The following CCDC136 variants were observed in gnomAD, a reference collection of about 807,000 sequenced individuals.
The protein encoded by CCDC136 is coiled-coil domain containing 136.
Under a neutral mutation model 141.2 loss-of-function variants are expected in CCDC136, and 100 were observed. That is an observed-to-expected ratio of 0.71 (90% CI 0.60 to 0.84). The LOEUF is 0.84. Ranked by LOEUF, CCDC136 falls within the 40% of genes least tolerant of loss-of-function variation. The pLI is 0.00. For missense variants in CCDC136, 1,206 were observed against 1,379.4 expected, an observed-to-expected ratio of 0.87 and a Z score of 1.99; for synonymous variants, 474 against 531.9, an observed-to-expected ratio of 0.89 and a Z score of 1.50.
chr7:128,812,671 C>A, intron 13 of CCDC136, 37 bp from the exon 14 acceptor site: 1 of 1,523,170 alleles, frequency 6.6e-7, no homozygotes, highest in South Asian at 1.2e-5. Context: ...CTTAGGTGCT[C>A]CTCAGGGTGC....
intron 7 of CCDC136, 127 bp from the exon 8 acceptor site, chr7:128,806,110 G>T: frequency 9.8e-7 from 1 of 1,024,798 alleles, no homozygotes. Flanking sequence ...TCTCACAGAA[G>T]AAACCAAACC....
chr7:128,808,782 C>T lies in CCDC136; in HGVS notation c.1606-668C>T, dbSNP rs78527873. On this transcript the variant is annotated intron_variant, in intron 10 of 17. Transcript: ENST00000297788. ...GAGCCCAGGTGATCTGTGACTTGCT[C>T]GTCACCTCTTCCCCTAATGGGAAAA... The T allele has an allele frequency of 4.3e-4, 426 of 985,302 alleles. 1 individual carries two copies. In the Admixed American group the frequency reaches 5.0e-3, roughly 12 times the overall value. 61.0% of individuals were successfully genotyped at this position (985,302 alleles called of 1,614,324 possible). A position where few individuals can be genotyped will look rare whatever the true frequency, so the allele number is the denominator to read the frequency against.
At position 128,815,925 on chromosome 7, in the gene CCDC136, C is replaced by G; in HGVS notation, c.3357C>G (p.Ser1119Arg). 2 of 1,606,458 alleles carry G rather than the reference C, an allele frequency of 1.2e-6. No homozygotes were observed. Among genetic ancestry groups the G allele is most frequent in the African/African-American group, 1.3e-5 (1 of 74,322 alleles). ...ATAACCCCCTCAGACTTTCCGAGAG[C>G]AAAAAGGTAACCAGAGCCAAAGCCT... is the stretch of plus-strand genomic sequence containing the variant. ...EENNPLRLSE[S>R]KKSSPTPNPP... Residue 1119 changes from serine (S) to arginine (R), a missense_variant, in exon 16 of 18, where the codon AGC becomes AGG. Physicochemically the swap from Ser to Arg is moderately radical, Grantham distance 110 (BLOSUM62 -1). Coordinates refer to ENST00000297788, the MANE Select transcript of CCDC136 (RefSeq NM_022742.5).
rs1802277642 is a variant in CCDC136 at position 128,792,212 on chromosome 7, A to C, written c.-200A>C. ...AGTCAGGCACCTCCACTGGGATTAC[A>C]GATCCCAGAGCCTCGAGGAGCTGGA... is the stretch of plus-strand genomic sequence containing the variant. On this transcript the variant is annotated 5_prime_UTR_variant, in exon 1 of 18. Transcript: ENST00000297788. The C allele has an allele frequency of 6.7e-7, 1 of 1,488,302 alleles. No homozygotes were observed. The highest frequency in any genetic ancestry group is 1.3e-5 in the South Asian group (1 of 74,364). The allele number at this position is 1,488,302 out of a possible 1,614,324, so 92.2% of individuals were successfully genotyped here. A position where few individuals can be genotyped will look rare whatever the true frequency, so the allele number is the denominator to read the frequency against.
chr7:128,806,475 AG>A, intron 8 of CCDC136, 80 bp downstream of exon 8: 7 of 1,364,338 alleles, frequency 5.1e-6, no homozygotes, highest in Non-Finnish European at 6.9e-6. Flanking sequence ...GGATAAGAGT[AG>A]TGAGTTAAAA....
intron 7 of CCDC136, 106 bp downstream of exon 7, chr7:128,806,007 C>G: frequency 7.4e-7 from 1 of 1,354,666 alleles, no homozygotes; most frequent in South Asian, 1.3e-5. Context: ...TCTGCTGACT[C>G]TTGCCCTGCA....
At position 128,805,746 on chromosome 7, in the gene CCDC136, C is replaced by T. The variant is rs770846232; in HGVS notation, c.949-15C>T. 4.3e-6 allele frequency: 7 copies of T among 1,609,722 alleles called. No individual in the cohort carries two copies. The highest frequency in any genetic ancestry group is 4.5e-5 in the East Asian group (2 of 44,808). ...TCTGTAGTAAACAAGCCTCCCTGTT[C>T]CATTTCCCACATAGTGTCAGGAATT... is the stretch of plus-strand genomic sequence containing the variant. On this transcript the variant is annotated splice_polypyrimidine_tract_variant and intron_variant, in intron 6 of 17. Coordinates refer to ENST00000297788, the MANE Select transcript of CCDC136 (RefSeq NM_022742.5). This position sits in a 1 kb window ranked among gnomAD's most constrained non-coding sequence, Gnocchi z 4.6.
At position 128,794,851 on chromosome 7, in the gene CCDC136, C is replaced by T. The variant is rs532891008; in HGVS notation, c.346+83C>T. ...TTTTTTCCTGAGGGTTTGACTGAAGCACAGCAGATAAAAATAACCAAATTC... is the reference window on the plus strand; with the variant it reads ...TTTTTTCCTGAGGGTTTGACTGAAGTACAGCAGATAAAAATAACCAAATTC... On this transcript the variant is annotated intron_variant, in intron 3 of 17. Coordinates refer to ENST00000297788, the MANE Select transcript of CCDC136 (RefSeq NM_022742.5). The surrounding 1 kb of genome is among the most constrained non-coding windows in gnomAD (Gnocchi z 4.3). The T allele has an allele frequency of 1.9e-6, 2 of 1,053,952 alleles. No homozygotes were observed. The highest frequency in any genetic ancestry group is 2.6e-5 in the East Asian group (1 of 38,198). The allele number at this position is 1,053,952 out of a possible 1,614,324, so 65.3% of individuals were successfully genotyped here.
In CCDC136 at chr7:128,805,693, C is replaced by A; in HGVS notation, c.949-68C>A. The A allele has an allele frequency of 6.3e-7, 1 of 1,594,578 alleles. No individual in the cohort carries two copies. Among genetic ancestry groups the A allele is most frequent in the Non-Finnish European group, 8.6e-7 (1 of 1,167,628 alleles). On this transcript the variant is annotated intron_variant, in intron 6 of 17. Transcript: ENST00000297788. The surrounding 1 kb of genome is among the most constrained non-coding windows in gnomAD (Gnocchi z 4.6). The stretch of plus-strand genomic sequence containing the variant: ...CAGTCAAAGAGCGCCATGCTTTCCC[C>A]AAGCTTGTTCTTGGAGCATATGTGG...
Position 128,805,626 on chromosome 7 carries a change from G to A in CCDC136, c.948+102G>A, listed in dbSNP as rs1433787656. On this transcript the variant is annotated intron_variant, in intron 6 of 17. Transcript: ENST00000297788. This position sits in a 1 kb window ranked among gnomAD's most constrained non-coding sequence, Gnocchi z 4.6. Reference sequence around the variant, plus strand: ...TCTCCATAGGCATCCACTGTGGAGGGAGATAGTACTCTGGGGTCTCACTTG... The same window carrying A: ...TCTCCATAGGCATCCACTGTGGAGGAAGATAGTACTCTGGGGTCTCACTTG... 5.3e-6 allele frequency: 8 copies of A among 1,515,476 alleles called. No homozygotes were observed. In the African/African-American group the frequency reaches 6.9e-5, roughly 13 times the overall value. The allele number at this position is 1,515,476 out of a possible 1,614,324, so 93.9% of individuals were successfully genotyped here. A position where few individuals can be genotyped will look rare whatever the true frequency, so the allele number is the denominator to read the frequency against.
Position 128,815,915 on chromosome 7 carries a change from T to C in CCDC136, c.3347T>C (p.Leu1116Pro). 1 of 1,610,500 alleles carries C rather than the reference T, an allele frequency of 6.2e-7. No homozygotes were observed. Among genetic ancestry groups the C allele is most frequent in the Non-Finnish European group, 8.5e-7 (1 of 1,178,188 alleles). The change falls in exon 16 of 18, where the codon CTT becomes CCT. Residue 1116 changes from leucine to proline, a missense_variant. Physicochemically the swap from Leu to Pro is moderately conservative, Grantham distance 98. Coordinates refer to ENST00000297788, the MANE Select transcript of CCDC136 (RefSeq NM_022742.5). ...ESPEENNPLR[L>P]SESKKSSPTP... ...CCCGAAGAAAATAACCCCCTCAGAC[T>C]TTCCGAGAGCAAAAAGGTAACCAGA...
At chr7:128,799,233 A>G (rs1351309358) in intron 3 of CCDC136, among the ~76,000 whole-genome samples, 1 of 148,414 alleles carries the variant, frequency 6.7e-6, no homozygotes, top group Non-Finnish European at 1.5e-5. Context: ...AGTCTCAGAT[A>G]TTAGGGATGC....
chr7:128,821,155 T>C lies in CCDC136; in HGVS notation c.*6-644T>C, dbSNP rs1013157958. Among the ~76,000 whole-genome samples, 52 of 152,360 alleles carry C rather than the reference T, an allele frequency of 3.4e-4. No individual in the cohort carries two copies. Among genetic ancestry groups the C allele is most frequent in the African/African-American group, 1.3e-3 (52 of 41,590 alleles). The stretch of plus-strand genomic sequence containing the variant: ...AGCAGGGTTCCCTAGTGGCCGGCAG[T>C]GTCTGGAAGCCTCAGCATACTCTAG... On this transcript the variant is annotated intron_variant, in intron 17 of 17. Transcript: ENST00000297788. This position sits in a 1 kb window ranked among gnomAD's most constrained non-coding sequence, Gnocchi z 5.1.
Position 128,792,052 on chromosome 7 carries a change from C to T in CCDC136, c.-360C>T. 4.7e-6 allele frequency: 6 copies of T among 1,286,474 alleles called. No homozygotes were observed. Among genetic ancestry groups the T allele is most frequent in the Non-Finnish European group, 5.9e-6 (6 of 1,015,846 alleles). The allele number at this position is 1,286,474 out of a possible 1,614,324, so 79.7% of individuals were successfully genotyped here. On this transcript the variant is annotated 5_prime_UTR_variant, in exon 1 of 18. Transcript: ENST00000297788. Reference sequence around the variant, plus strand: ...CAGTCTTGGCCCTCTCCTCCCTGTCCCCCCGGACTAAATACGCACACCCCC... The same window carrying T: ...CAGTCTTGGCCCTCTCCTCCCTGTCTCCCCGGACTAAATACGCACACCCCC...
intron 4 of CCDC136, 28 bp from the exon 5 acceptor site, chr7:128,804,622 C>T: frequency 7.2e-7 from 1 of 1,392,310 alleles, no homozygotes. Context: ...TCCTCCCGGT[C>T]TCATCTCTCT....
chr7:128,797,842 C>G (rs574392762), intron 3 of CCDC136, among the ~76,000 whole-genome samples: 3 of 150,396 alleles, frequency 2.0e-5, no homozygotes, highest in Non-Finnish European at 4.4e-5. Flanking sequence ...GGAGAAGGAA[C>G]GTTCCTCCAT....
chr7:128,812,503 C>T (rs1027713547), intron 13 of CCDC136, among the ~76,000 whole-genome samples, 191 bp downstream of exon 13: 1 of 152,014 alleles, frequency 6.6e-6, no homozygotes, highest in Non-Finnish European at 1.5e-5. Flanking sequence ...TAGAGAGAAT[C>T]CCCCATCTGG....
intron 3 of CCDC136, among the ~76,000 whole-genome samples, chr7:128,800,845 A>G (rs554305824): frequency 6.6e-6 from 1 of 152,348 alleles, no homozygotes; most frequent in Non-Finnish European, 1.5e-5. Context: ...GATTCAGGGC[A>G]TCAAGAAAAT....
chr7:128,806,079 G>T (rs1293542823), intron 7 of CCDC136, among the ~76,000 whole-genome samples, 158 bp from the exon 8 acceptor site: 5 of 152,186 alleles, frequency 3.3e-5, no homozygotes, highest in Non-Finnish European at 7.3e-5. Flanking sequence ...TCTAGAAATG[G>T]TGGTCATTAC....
Sources: allele counts gnomAD v4.1 joint callset (sites outside exome capture counted in the v4.1 genomes callset), GRCh38; gene constraint gnomAD v4.1.1; non-coding constraint Gnocchi (gnomAD v3.1); transcripts MANE v1.5; gene names NCBI Gene and HGNC (gene_info 2026-07-23, HGNC 2026-07-21).